TCF25: variants seen among roughly 807,000 people sequenced by gnomAD.
TCF25 encodes the protein ribosome quality control complex subunit TCF25.
In TCF25, 41 loss-of-function variants were observed where a neutral mutation model predicts 83.1. The observed-to-expected ratio is 0.49, with a 90% CI of 0.38 to 0.64. TCF25 has a LOEUF of 0.64. Ranked by LOEUF, TCF25 falls within the 30% of genes least tolerant of loss-of-function variation. TCF25 has a pLI of 0.00. For missense variants in TCF25, 979 were observed against 914.5 expected, an observed-to-expected ratio of 1.07 and a Z score of -0.91; for synonymous variants, 458 against 365.0, an observed-to-expected ratio of 1.25 and a Z score of -2.90.
At chr16:89,907,174 C>G (rs1597383934) in intron 15 of TCF25, 69 bp from the exon 16 acceptor site, 2 of 1,494,730 alleles carry the variant, frequency 1.3e-6, no homozygotes, top group Middle Eastern at 1.7e-4. Context: ...GACAGAAGGA[C>G]TCTGCTGGGA....
chr16:89,883,252 T>C, intron 1 of TCF25, 99 bp from the exon 2 acceptor site: 1 of 1,500,588 alleles, frequency 6.7e-7, no homozygotes, highest in Non-Finnish European at 9.0e-7. Flanking sequence ...ACCCTGGGGG[T>C]CCCCAACGCA....
intron 5 of TCF25, among the ~76,000 whole-genome samples, chr16:89,887,944 T>A (rs1180470852): frequency 6.6e-6 from 1 of 152,166 alleles, no homozygotes; most frequent in African/African-American, 2.4e-5. Context: ...CTGGTCTCCA[T>A]CCCTCACACT....
Position 89,911,199 on chromosome 16 carries a change from GC to G in TCF25, c.1993del (p.His665ThrfsTer18). The G allele has an allele frequency of 6.2e-7, 1 of 1,612,440 alleles. No homozygotes were observed. The highest frequency in any genetic ancestry group is 8.5e-7 in the Non-Finnish European group (1 of 1,179,938). On this transcript the variant is annotated frameshift_variant, in exon 18 of 18. Coordinates refer to ENST00000263346, the MANE Select transcript of TCF25 (RefSeq NM_014972.3). LOFTEE classifies it high-confidence loss of function. ...NFHLNDLEAP[H>X]EDDAEGEGEW... ...TCCACCTCAACGACCTGGAGGCGCC[GC>G]ACGAGGACGACGCTGAGGGGGAGGG...
chr16:89,883,750 G>A (rs1464901214), intron 2 of TCF25: 2 of 495,648 alleles, frequency 4.0e-6, no homozygotes, highest in South Asian at 2.4e-5. Context: ...AGCAGTGTAT[G>A]TAACCGCACA....
intron 3 of TCF25, 132 bp downstream of exon 3, chr16:89,884,788 C>T: frequency 1.3e-6 from 1 of 765,354 alleles, no homozygotes; most frequent in Non-Finnish European, 2.0e-6. Context: ...GACGCCCTCT[C>T]CCTCTGCCTG....
chr16:89,904,922 C>T lies in TCF25; in HGVS notation c.1470-16C>T. 1 of 1,597,694 alleles carries T rather than the reference C, an allele frequency of 6.3e-7. No homozygotes were observed. The highest frequency in any genetic ancestry group is 8.5e-7 in the Non-Finnish European group (1 of 1,172,886). On this transcript the variant is annotated splice_polypyrimidine_tract_variant and intron_variant, in intron 13 of 17. Coordinates refer to ENST00000263346, the MANE Select transcript of TCF25 (RefSeq NM_014972.3). ...TCTGAAGAGGGGTTCTGCTCAGAGC[C>T]CTTGCTCTCCCCCAGCCAGCCCCCT...
chr16:89,878,389 C>T, intron 1 of TCF25: 1 of 1,192,560 alleles, frequency 8.4e-7, no homozygotes, highest in Non-Finnish European at 1.1e-6. Context: ...AGTTCGAGAC[C>T]AGCCTGGCCG....
chr16:89,900,068 T>A (rs2044191033), intron 11 of TCF25, among the ~76,000 whole-genome samples: 1 of 152,234 alleles, frequency 6.6e-6, no homozygotes, highest in South Asian at 2.1e-4. Flanking sequence ...AAAATGGGGC[T>A]GCAGAAGAAT....
chr16:89,889,111 G>A (rs1456526635), intron 5 of TCF25: 1 of 285,596 alleles, frequency 3.5e-6, no homozygotes, highest in South Asian at 3.1e-5. Context: ...AGCAGGGGGG[G>A]TGTCTGCTTC....
At chr16:89,900,253 G>A (rs1262052106) in intron 11 of TCF25, among the ~76,000 whole-genome samples, 1 of 140,124 alleles carries the variant, frequency 7.1e-6, no homozygotes, top group African/African-American at 2.5e-5. Flanking sequence ...TCGGAAACTC[G>A]CGCGGCAGTG....
chr16:89,902,725 C>G (rs141638595), intron 12 of TCF25, among the ~76,000 whole-genome samples: 4 of 132,608 alleles, frequency 3.0e-5, no homozygotes, highest in Non-Finnish European at 5.3e-5. Context: ...GGGCCTCCTC[C>G]GAGGGGCTGT....
chr16:89,876,593 G>C (rs957291339), intron 1 of TCF25, among the ~76,000 whole-genome samples: 5 of 152,036 alleles, frequency 3.3e-5, no homozygotes, highest in African/African-American at 1.2e-4. Context: ...GAGTTCGAGA[G>C]CAGCCTGGCC....
At chr16:89,901,061 G>C in intron 12 of TCF25, 1 of 360,042 alleles carries the variant, frequency 2.8e-6, no homozygotes, top group Admixed American at 3.7e-5. Flanking sequence ...AGACAGAACT[G>C]GCTGGGAGGT....
chr16:89,890,861 T>C (rs778192338), intron 5 of TCF25, among the ~76,000 whole-genome samples: 12 of 152,158 alleles, frequency 7.9e-5, no homozygotes, highest in Admixed American at 2.0e-4. Flanking sequence ...AACTTTTTTG[T>C]TTATTTATTT....
chr16:89,899,275 C>T (rs185788863), intron 11 of TCF25, among the ~76,000 whole-genome samples: 20 of 152,322 alleles, frequency 1.3e-4, no homozygotes, highest in African/African-American at 4.1e-4. Flanking sequence ...ACCCCCAGCA[C>T]GTCTGTCCTG....
intron 9 of TCF25, among the ~76,000 whole-genome samples, chr16:89,897,712 C>T (rs942042683): frequency 6.6e-6 from 1 of 152,334 alleles, no homozygotes; most frequent in South Asian, 2.1e-4. Context: ...ATGTATCCAG[C>T]CTGAGTGCTG....
chr16:89,891,284 C>A (rs1424008524), intron 5 of TCF25, among the ~76,000 whole-genome samples: 1 of 152,224 alleles, frequency 6.6e-6, no homozygotes, highest in Admixed American at 6.5e-5. Flanking sequence ...CAGGAGAGTG[C>A]TGAAGGGCTG....
intron 17 of TCF25, 21 bp downstream of exon 17, chr16:89,910,684 C>A (rs1193365705): frequency 1.2e-6 from 2 of 1,611,966 alleles, no homozygotes; most frequent in Middle Eastern, 1.7e-4. Flanking sequence ...CTCGTCCCAG[C>A]CCCTGCCTCC....
chr16:89,874,587 T>A (rs980689473), intron 1 of TCF25: 1 of 152,368 alleles, frequency 6.6e-6, no homozygotes, highest in Non-Finnish European at 1.5e-5. Context: ...TTGCTGCATC[T>A]CCGGCAGCTC....
Sources: gnomAD v4.1 joint callset for allele counts (sites outside exome capture counted in the v4.1 genomes callset) on GRCh38, gnomAD v4.1.1 for gene constraint, MANE v1.5 for transcripts, NCBI Gene and HGNC (gene_info 2026-07-23, HGNC 2026-07-21) for gene names.